The following GRM5 variants were observed in gnomAD, a reference collection of about 807,000 sequenced individuals.
GRM5 encodes glutamate metabotropic receptor 5.
A neutral mutation model predicts 83.1 loss-of-function variants in GRM5; 19 were observed. The ratio of observed to expected loss-of-function variants is 0.23; its 90% CI spans 0.16 to 0.34. The LOEUF (loss-of-function observed/expected upper bound fraction) is 0.34, where lower values mean the gene tolerates loss of function less well. Among genes scored for constraint, GRM5 ranks in the 10% least tolerant of loss-of-function variants. The probability of loss-of-function intolerance (pLI) is 1.00; values close to 1 mark genes in which losing one functional copy is unlikely to be tolerated. For synonymous variants in GRM5, 675 were observed against 633.6 expected (o/e 1.07, Z -0.98); for missense variants, 1,160 against 1,588.3 (o/e 0.73, Z 4.58).
At chr11:88,846,207 G>T (rs1944302079) in intron 3 of GRM5, among the ~76,000 whole-genome samples, 1 of 152,120 alleles carries the variant, frequency 6.6e-6, no homozygotes, top group Non-Finnish European at 1.5e-5. Context: ...AAAACTAGTT[G>T]TTTCCAAGTC....
chr11:88,944,756 T>C (rs1938224600), intron 2 of GRM5, among the ~76,000 whole-genome samples: 2 of 151,744 alleles, frequency 1.3e-5, no homozygotes, highest in African/African-American at 4.8e-5. Context: ...CCGCCAACAA[T>C]ATACTGAATC....
At chr11:88,806,261 T>G (rs987427121) in intron 3 of GRM5, among the ~76,000 whole-genome samples, 5 of 152,222 alleles carry the variant, frequency 3.3e-5, no homozygotes, top group African/African-American at 9.7e-5. Context: ...AGAAAATGTC[T>G]GTTTTTCTAA....
intron 2 of GRM5, among the ~76,000 whole-genome samples, chr11:89,041,137 G>C (rs1941522900): frequency 6.6e-6 from 1 of 152,188 alleles, no homozygotes; most frequent in Non-Finnish European, 1.5e-5. Context: ...CATGTGTGCA[G>C]CTGCCATCCA....
At chr11:89,046,485 G>T (rs1367369016) in intron 2 of GRM5, among the ~76,000 whole-genome samples, 1 of 151,686 alleles carries the variant, frequency 6.6e-6, no homozygotes, top group African/African-American at 2.4e-5. Flanking sequence ...AAGAACTAAT[G>T]ATTTTTAAAA....
At chr11:88,670,454 C>T (rs1940162269) in intron 3 of GRM5, among the ~76,000 whole-genome samples, 1 of 151,418 alleles carries the variant, frequency 6.6e-6, no homozygotes. Context: ...AAAATGTAGG[C>T]CACAAATTAG....
chr11:88,665,162 T>TACACACACACACACACACACACACACAC lies in GRM5; in HGVS notation c.912-11787_912-11760dup, dbSNP rs1214459891. On this transcript the variant is annotated intron_variant, in intron 3 of 9. Transcript: ENST00000305447. ...GATAGAAGAGATAATTTAATTTATT[T>TACACACACACACACACACACACACACAC]ACACACACACACACACACACACACA... Among the ~76,000 whole-genome samples, 8 of 140,910 alleles carry TACACACACACACACACACACACACACAC rather than the reference T, an allele frequency of 5.7e-5. 1 individual carries two copies. The highest frequency in any genetic ancestry group is 1.1e-4 in the Non-Finnish European group (7 of 63,880). 92.4% of individuals were successfully genotyped at this position (140,910 alleles called of 152,430 possible).
chr11:88,589,159 G>C (rs796702863), intron 7 of GRM5, among the ~76,000 whole-genome samples: 2 of 150,116 alleles, frequency 1.3e-5, no homozygotes. Flanking sequence ...ATAGTATAAA[G>C]AAAAGATAGG....
At chr11:88,831,799 C>T (rs1307310339) in intron 3 of GRM5, among the ~76,000 whole-genome samples, 1 of 152,178 alleles carries the variant, frequency 6.6e-6, no homozygotes, top group Non-Finnish European at 1.5e-5. Flanking sequence ...ACTCCCATCA[C>T]CAACACAACA....
Position 88,892,188 on chromosome 11 carries a change from T to C in GRM5, c.662-42033A>G, listed in dbSNP as rs1476114457. On this transcript the variant is annotated intron_variant, in intron 2 of 9. Coordinates refer to ENST00000305447, the MANE Select transcript of GRM5 (RefSeq NM_001143831.3). ...TTTTTTTTTTTTCAATAAGACACAATTAGAAAAACTGGTTATTTTATCAAA... is the reference window on the plus strand; with the variant it reads ...TTTTTTTTTTTTCAATAAGACACAACTAGAAAAACTGGTTATTTTATCAAA... Among the ~76,000 whole-genome samples the C allele has an allele frequency of 2.0e-5, 3 of 148,074 alleles. No homozygotes were observed. The East Asian group carries it at 6.0e-4, about 30-fold the overall frequency.
At chr11:88,830,387 C>G (rs1332884963) in intron 3 of GRM5, among the ~76,000 whole-genome samples, 1 of 152,002 alleles carries the variant, frequency 6.6e-6, no homozygotes, top group Non-Finnish European at 1.5e-5. Flanking sequence ...GTATCTGGTA[C>G]TTGCCTCCTC....
rs1349296944 is a variant in GRM5 at position 88,509,126 on chromosome 11, C to T, written c.3105G>A (p.Thr1035=). The change falls in exon 10 of 10, where the codon ACG becomes ACA. Residue 1035 remains threonine, a synonymous_variant. Coordinates refer to ENST00000305447, the MANE Select transcript of GRM5 (RefSeq NM_001143831.3). ...AGTGCAGCGACGGCACATCGTCGTC[C>T]GTGCGGCTGGCCGAGCCCGCGCGGT... The part of the protein sequence containing the change: ...LSHRAGSASR[T]DDDVPSLHSE... 1.9e-6 allele frequency: 3 copies of T among 1,543,756 alleles called. No individual in the cohort carries two copies. Among genetic ancestry groups the T allele is most frequent in the South Asian group, 1.2e-5 (1 of 83,796 alleles).
At chr11:88,907,782 T>G (rs1217606742) in intron 2 of GRM5, among the ~76,000 whole-genome samples, 2 of 152,122 alleles carry the variant, frequency 1.3e-5, no homozygotes, top group East Asian at 1.9e-4. Flanking sequence ...AAACTAGTAA[T>G]TCAGAAATGT....
At chr11:88,904,658 C>A (rs1182012908) in intron 2 of GRM5, among the ~76,000 whole-genome samples, 1 of 152,146 alleles carries the variant, frequency 6.6e-6, no homozygotes, top group East Asian at 1.9e-4. Flanking sequence ...CCTACAGATA[C>A]AATGTGTATC....
At chr11:88,890,669 A>C (rs1326669623) in intron 2 of GRM5, among the ~76,000 whole-genome samples, 14 of 152,110 alleles carry the variant, frequency 9.2e-5, no homozygotes, top group Non-Finnish European at 1.3e-4. Context: ...TAAATGTTCA[A>C]AGGTTGTATA....
At chr11:88,883,583 A>C (rs1018774694) in intron 2 of GRM5, among the ~76,000 whole-genome samples, 7 of 152,142 alleles carry the variant, frequency 4.6e-5, no homozygotes, top group African/African-American at 1.7e-4. Context: ...TCTGGGGAGA[A>C]ATTCAAACCA....
intron 2 of GRM5, among the ~76,000 whole-genome samples, chr11:88,960,644 A>T (rs1938754269): frequency 6.6e-6 from 1 of 152,198 alleles, no homozygotes; most frequent in Non-Finnish European, 1.5e-5. Flanking sequence ...TACAATACCC[A>T]GAAATTTTAG....
At chr11:88,726,914 A>C (rs943249491) in intron 3 of GRM5, among the ~76,000 whole-genome samples, 1 of 152,182 alleles carries the variant, frequency 6.6e-6, no homozygotes, top group African/African-American at 2.4e-5. Context: ...AGGAAAAACC[A>C]GTACCGGCCA....
chr11:88,530,923 G>T (rs1480911007), intron 8 of GRM5, among the ~76,000 whole-genome samples: 1 of 151,918 alleles, frequency 6.6e-6, no homozygotes, highest in East Asian at 1.9e-4. Context: ...TATTAGAACT[G>T]GGGGGAAGAA....
chr11:88,633,929 A>T (rs1293771389), intron 4 of GRM5, among the ~76,000 whole-genome samples: 2 of 152,202 alleles, frequency 1.3e-5, no homozygotes, highest in Non-Finnish European at 2.9e-5. Flanking sequence ...TGAACATCTT[A>T]GAGGGTGGTT....
Sources: allele counts gnomAD v4.1 joint callset (sites outside exome capture counted in the v4.1 genomes callset), GRCh38; gene constraint gnomAD v4.1.1; transcripts MANE v1.5; gene names NCBI Gene and HGNC (gene_info 2026-07-23, HGNC 2026-07-21).